PCDH9: variants seen among roughly 807,000 people sequenced by gnomAD.
The protein encoded by PCDH9 is protocadherin 9.
In PCDH9, 24 loss-of-function variants were observed where a neutral mutation model predicts 70.6. The observed-to-expected ratio is 0.34, with a 90% confidence interval of 0.25 to 0.48. PCDH9 has a LOEUF of 0.48. Among genes scored for constraint, PCDH9 ranks in the 20% least tolerant of loss-of-function variants. The probability of loss-of-function intolerance (pLI) is 0.99; values close to 1 mark genes in which losing one functional copy is unlikely to be tolerated. For missense variants in PCDH9, 1,281 were observed against 1,503.6 expected, an observed-to-expected ratio of 0.85 and a Z score of 2.45; for synonymous variants, 562 against 558.5, an observed-to-expected ratio of 1.01 and a Z score of -0.09.
At chr13:66,537,954 T>G (rs1185986402) in intron 4 of PCDH9, among the ~76,000 whole-genome samples, 2 of 152,140 alleles carry the variant, frequency 1.3e-5, no homozygotes, top group Admixed American at 6.6e-5. Context: ...TTACTTTTCC[T>G]TTTATCTTTT....
intron 2 of PCDH9, among the ~76,000 whole-genome samples, chr13:67,154,067 A>C (rs1346687983): frequency 3.3e-5 from 5 of 152,246 alleles, no homozygotes; most frequent in African/African-American, 1.2e-4. Context: ...AAAAATAAAC[A>C]GAAATTTAAA....
In PCDH9 at chr13:66,639,548, A is replaced by G. The variant is rs530014522; in HGVS notation, c.3139-8137T>C. Among the ~76,000 whole-genome samples, 3 of 152,302 alleles carry G rather than the reference A, an allele frequency of 2.0e-5. No homozygotes were observed. In the South Asian group the frequency reaches 6.2e-4, roughly 32 times the overall value. On this transcript the variant is annotated intron_variant, in intron 3 of 4. Transcript: ENST00000377865. ...ATGTGAAAAAACAATTGGTATCTTT[A>G]AGAAACTTGAGAGAAAAGTATACCC...
At chr13:66,649,543 C>A (rs1345520699) in intron 3 of PCDH9, among the ~76,000 whole-genome samples, 1 of 152,066 alleles carries the variant, frequency 6.6e-6, no homozygotes, top group African/African-American at 2.4e-5. Flanking sequence ...ACCAGACCTG[C>A]CCTAAAAGAA....
chr13:66,735,291 A>T (rs2079131530), intron 3 of PCDH9, among the ~76,000 whole-genome samples: 1 of 152,226 alleles, frequency 6.6e-6, no homozygotes, highest in Non-Finnish European at 1.5e-5. Flanking sequence ...AAAATCTTGT[A>T]TTTCTAAAGC....
In PCDH9 at chr13:66,828,708, T is replaced by C. The variant is rs575481196; in HGVS notation, c.3138+74796A>G. 6.6e-5 allele frequency among the ~76,000 whole-genome samples: 10 copies of C among 152,134 alleles called. No homozygotes were observed. In the East Asian group the frequency reaches 9.7e-4, roughly 15 times the overall value. ...AAAGAGACAGAGAGAGGGAGAAACA[T>C]AGAATAACAAAAACATTTCAAAAAT... is the stretch of plus-strand genomic sequence containing the variant. On this transcript the variant is annotated intron_variant, in intron 3 of 4. Transcript: ENST00000377865.
At chr13:66,367,988 A>G (rs1009932849) in intron 4 of PCDH9, among the ~76,000 whole-genome samples, 18 of 152,138 alleles carry the variant, frequency 1.2e-4, no homozygotes, top group Non-Finnish European at 2.5e-4. Flanking sequence ...AAGTGCAATC[A>G]AAAGGTCAAA....
chr13:67,095,879 G>T (rs2086309160), intron 2 of PCDH9, among the ~76,000 whole-genome samples: 1 of 152,074 alleles, frequency 6.6e-6, no homozygotes, highest in African/African-American at 2.4e-5. Context: ...TCTCTCAAAA[G>T]AAACAATTAA....
At chr13:66,428,343 C>T (rs544574140) in intron 4 of PCDH9, among the ~76,000 whole-genome samples, 12 of 151,742 alleles carry the variant, frequency 7.9e-5, no homozygotes, top group African/African-American at 2.7e-4. Context: ...AATATGTGTT[C>T]TTACTGTAAC....
intron 4 of PCDH9, among the ~76,000 whole-genome samples, chr13:66,307,127 A>G (rs976491244): frequency 2.6e-5 from 4 of 152,050 alleles, no homozygotes; most frequent in Admixed American, 6.6e-5. Flanking sequence ...TTTATTGATG[A>G]ATAACAAATT....
At chr13:66,933,141 C>A (rs1032412515) in intron 2 of PCDH9, among the ~76,000 whole-genome samples, 3 of 151,680 alleles carry the variant, frequency 2.0e-5, no homozygotes, top group Non-Finnish European at 4.4e-5. Context: ...AATATTTTTG[C>A]CTTTTTAGGC....
intron 2 of PCDH9, among the ~76,000 whole-genome samples, chr13:67,071,888 C>CAAAAA (rs5804309): frequency 2.3e-5 from 2 of 86,684 alleles, no homozygotes; most frequent in African/African-American, 4.5e-5. Context: ...GACTTTGTCT[C>CAAAAA]AAAAAAAAAA....
chr13:66,771,811 TATC>T (rs1452562117), intron 3 of PCDH9, among the ~76,000 whole-genome samples: 1 of 152,234 alleles, frequency 6.6e-6, no homozygotes, highest in Non-Finnish European at 1.5e-5. Context: ...CCCATGGAAT[TATC>T]ATCAATATTA....
chr13:66,848,553 T>A (rs9317621), intron 3 of PCDH9, among the ~76,000 whole-genome samples: 3 of 151,962 alleles, frequency 2.0e-5, no homozygotes, highest in Non-Finnish European at 4.4e-5. Context: ...TAAATAGCAC[T>A]CTACAACCCA....
intron 4 of PCDH9, among the ~76,000 whole-genome samples, chr13:66,570,568 A>G (rs1470548716): frequency 5.3e-5 from 8 of 152,176 alleles, no homozygotes; most frequent in Non-Finnish European, 1.5e-5. Context: ...TCTCTGCCTT[A>G]TTTCTTACAA....
At chr13:67,147,840 T>C (rs2087560004) in intron 2 of PCDH9, among the ~76,000 whole-genome samples, 1 of 152,232 alleles carries the variant, frequency 6.6e-6, no homozygotes, top group South Asian at 2.1e-4. Flanking sequence ...GTTCTCTTTT[T>C]GTTTTTGGTA....
intron 3 of PCDH9, among the ~76,000 whole-genome samples, chr13:66,702,123 A>G (rs1434558533): frequency 6.6e-6 from 1 of 152,212 alleles, no homozygotes; most frequent in East Asian, 1.9e-4. Context: ...GCAAAGTTTA[A>G]TAACTTTAAG....
At chr13:66,639,191 T>G (rs1049037667) in intron 3 of PCDH9, among the ~76,000 whole-genome samples, 3 of 152,194 alleles carry the variant, frequency 2.0e-5, no homozygotes, top group Non-Finnish European at 4.4e-5. Context: ...CAGTTTGCTG[T>G]TTGCCGCTAA....
rs149988024 is a variant in PCDH9 at position 66,549,215 on chromosome 13, C to A, written c.3340+81995G>T. ...ATATATAAATGAAATGTATATAAAC[C>A]GTATGTATATGTTAGCATGGCAGCA... On this transcript the variant is annotated intron_variant, in intron 4 of 4. Coordinates refer to ENST00000377865, the MANE Select transcript of PCDH9 (RefSeq NM_203487.3). Among the ~76,000 whole-genome samples the A allele has an allele frequency of 3.5e-3, 537 of 151,676 alleles. 6 individuals are homozygous for A. Among genetic ancestry groups the A allele is most frequent in the Middle Eastern group, 3.4e-3 (1 of 290 alleles).
chr13:67,123,130 C>A (rs933666730), intron 2 of PCDH9, among the ~76,000 whole-genome samples: 1 of 152,124 alleles, frequency 6.6e-6, no homozygotes, highest in Non-Finnish European at 1.5e-5. Context: ...AATCTACTAA[C>A]CCTTCTAGGC....
Sources: allele counts gnomAD v4.1 joint callset (sites outside exome capture counted in the v4.1 genomes callset), GRCh38; gene constraint gnomAD v4.1.1; transcripts MANE v1.5; gene names NCBI Gene and HGNC (gene_info 2026-07-23, HGNC 2026-07-21).